The following SLC16A9 variants were observed in gnomAD, a reference collection of about 807,000 sequenced individuals.
SLC16A9 encodes the protein monocarboxylate transporter 9.
SLC16A9 carries 26 observed loss-of-function variants against 44.3 expected under a neutral mutation model. The observed-to-expected ratio is 0.59, with a 90% confidence interval of 0.43 to 0.81. SLC16A9 has a LOEUF of 0.81. SLC16A9 is among the 40% of genes least tolerant of loss of function. The pLI is 0.00. For missense variants in SLC16A9, 559 were observed against 595.8 expected (o/e 0.94, Z 0.64); for synonymous variants, 230 against 225.1 (o/e 1.02, Z -0.19).
intron 3 of SLC16A9, among the ~76,000 whole-genome samples, chr10:59,670,221 C>A (rs1345046927): frequency 1.3e-5 from 2 of 152,086 alleles, no homozygotes; most frequent in Non-Finnish European, 2.9e-5. Flanking sequence ...CTGTATGCCT[C>A]TTTATAAACA....
chr10:59,672,188 A>G (rs1839765748), intron 3 of SLC16A9, among the ~76,000 whole-genome samples: 2 of 152,168 alleles, frequency 1.3e-5, no homozygotes, highest in African/African-American at 4.8e-5. Context: ...CAGTACTCTA[A>G]GGCCCTGCGC....
intron 3 of SLC16A9, among the ~76,000 whole-genome samples, chr10:59,672,154 G>A (rs1306558815): frequency 6.6e-6 from 1 of 152,076 alleles, no homozygotes; most frequent in East Asian, 1.9e-4. Flanking sequence ...GTAATGACAT[G>A]ACAAGGATAT....
At chr10:59,664,190 G>A in intron 4 of SLC16A9, 37 bp downstream of exon 4, 2 of 1,440,922 alleles carry the variant, frequency 1.4e-6, no homozygotes, top group South Asian at 1.2e-5. Flanking sequence ...TTAGAAGACT[G>A]AATGGTGACA....
intron 1 of SLC16A9, among the ~76,000 whole-genome samples, chr10:59,697,334 G>C (rs1023255077): frequency 6.6e-6 from 1 of 150,674 alleles, no homozygotes; most frequent in Non-Finnish European, 1.5e-5. Context: ...GATGGCTGCC[G>C]TGTCTGTGTA....
chr10:59,665,414 A>G (rs1324263633), intron 3 of SLC16A9, among the ~76,000 whole-genome samples: 1 of 152,238 alleles, frequency 6.6e-6, no homozygotes, highest in Non-Finnish European at 1.5e-5. Flanking sequence ...CTGCATAAAC[A>G]TTTTAGGAAA....
intron 2 of SLC16A9, among the ~76,000 whole-genome samples, chr10:59,676,160 T>A (rs1015987376): frequency 6.6e-6 from 1 of 152,226 alleles, no homozygotes; most frequent in Non-Finnish European, 1.5e-5. Flanking sequence ...AAATTTATAA[T>A]CACTTGGTGT....
rs187849089 is a variant in SLC16A9 at position 59,674,567 on chromosome 10, G to C, written c.197-1654C>G. Among the ~76,000 whole-genome samples, 40 of 152,290 alleles carry C rather than the reference G, an allele frequency of 2.6e-4. No homozygotes were observed. The East Asian group carries it at 4.8e-3, about 18-fold the overall frequency. Reference sequence around the variant, plus strand: ...AAATTTATCATCCAATAGTTGGGCTGTCTGTACACCCAATGAGAAATACTT... The same window carrying C: ...AAATTTATCATCCAATAGTTGGGCTCTCTGTACACCCAATGAGAAATACTT... On this transcript the variant is annotated intron_variant, in intron 2 of 5. Transcript: ENST00000395348.
rs1242900111 is a variant in SLC16A9 at position 59,672,633 on chromosome 10, TG to T, written c.340+136del. 3.4e-6 allele frequency: 3 copies of T among 889,900 alleles called. No homozygotes were observed. In the African/African-American group the frequency reaches 5.2e-5, roughly 15 times the overall value. The allele number at this position is 889,900 out of a possible 1,614,324, so 55.1% of individuals were successfully genotyped here. A position where few individuals can be genotyped will look rare whatever the true frequency, so the allele number is the denominator to read the frequency against. Reference sequence around the variant, plus strand: ...TTTTTTTCACTAAAGCAACAGTTTTTGGAGAAGTGGTTATTGAAAGTAAATT... The same window carrying T: ...TTTTTTTCACTAAAGCAACAGTTTTTGAGAAGTGGTTATTGAAAGTAAATT... On this transcript the variant is annotated intron_variant, in intron 3 of 5. Transcript: ENST00000395348.
intron 5 of SLC16A9, 108 bp from the exon 6 acceptor site, chr10:59,653,058 T>C (rs1839246883): frequency 1.4e-6 from 1 of 699,426 alleles, no homozygotes; most frequent in South Asian, 3.4e-5. Context: ...GTATATATAT[T>C]ACTCCACTAC....
chr10:59,656,873 A>G (rs1588960633), intron 4 of SLC16A9, among the ~76,000 whole-genome samples: 2 of 152,218 alleles, frequency 1.3e-5, no homozygotes, highest in East Asian at 3.8e-4. Flanking sequence ...ATAAAGCACT[A>G]ATTATGCTTC....
chr10:59,662,686 A>T (rs1839510179), intron 4 of SLC16A9, among the ~76,000 whole-genome samples: 1 of 151,562 alleles, frequency 6.6e-6, no homozygotes, highest in Non-Finnish European at 1.5e-5. Context: ...TATGCAGCCA[A>T]CAAACATATG....
chr10:59,679,124 A>G (rs1045096727), intron 2 of SLC16A9, among the ~76,000 whole-genome samples: 1 of 152,218 alleles, frequency 6.6e-6, no homozygotes, highest in Non-Finnish European at 1.5e-5. Flanking sequence ...ATCTGCTTTG[A>G]GTACAAAACT....
At chr10:59,667,515 C>A (rs969794885) in intron 3 of SLC16A9, among the ~76,000 whole-genome samples, 1 of 152,334 alleles carries the variant, frequency 6.6e-6, no homozygotes, top group South Asian at 2.1e-4. Context: ...ACGTTAACAT[C>A]TACTGGATTC....
At chr10:59,662,332 A>G (rs1045647817) in intron 4 of SLC16A9, among the ~76,000 whole-genome samples, 1 of 151,866 alleles carries the variant, frequency 6.6e-6, no homozygotes, top group African/African-American at 2.4e-5. Context: ...ATATGAACAG[A>G]CACTTTTCAA....
chr10:59,708,955 C>A (rs1211461543), intron 1 of SLC16A9, among the ~76,000 whole-genome samples: 1 of 152,228 alleles, frequency 6.6e-6, no homozygotes, highest in Non-Finnish European at 1.5e-5. Flanking sequence ...CAGAATCCGC[C>A]GGCCCTGCGC....
intron 3 of SLC16A9, among the ~76,000 whole-genome samples, chr10:59,666,930 T>G (rs952512046): frequency 6.6e-6 from 1 of 152,056 alleles, no homozygotes; most frequent in Non-Finnish European, 1.5e-5. Flanking sequence ...CACCATGCAT[T>G]TGACAGCTTC....
chr10:59,682,126 C>T (rs1364465818), intron 2 of SLC16A9, among the ~76,000 whole-genome samples: 2 of 152,018 alleles, frequency 1.3e-5, no homozygotes, highest in African/African-American at 4.8e-5. Flanking sequence ...TGACTCCACC[C>T]TCAAGCTCCT....
chr10:59,657,836 C>T (rs746007525), intron 4 of SLC16A9, among the ~76,000 whole-genome samples: 10 of 152,138 alleles, frequency 6.6e-5, no homozygotes, highest in Non-Finnish European at 1.3e-4. Context: ...CTAAGCCACC[C>T]AGCCAGCTGA....
intron 2 of SLC16A9, among the ~76,000 whole-genome samples, chr10:59,677,257 A>T (rs886249440): frequency 5.5e-5 from 8 of 145,576 alleles, no homozygotes; most frequent in African/African-American, 1.8e-4. Context: ...CTGGCTAATT[A>T]AAAAAAAAAA....
Sources: allele counts gnomAD v4.1 joint callset (sites outside exome capture counted in the v4.1 genomes callset), GRCh38; gene constraint gnomAD v4.1.1; transcripts MANE v1.5; gene names NCBI Gene and HGNC (gene_info 2026-07-23, HGNC 2026-07-21).